The following PDZD4 variants were observed in gnomAD, a reference collection of about 807,000 sequenced individuals.
The protein encoded by PDZD4 is PDZ domain containing 4.
PDZD4 carries 9 observed loss-of-function variants against 38.5 expected under a neutral mutation model. The observed-to-expected ratio is 0.23, with a 90% confidence interval of 0.14 to 0.41. The LOEUF is 0.41. Among genes scored for constraint, PDZD4 ranks in the 10% least tolerant of loss-of-function variants. The pLI is 1.00. For missense variants in PDZD4, 612 were observed against 722.0 expected, an observed-to-expected ratio of 0.85 and a Z score of 1.75; for synonymous variants, 349 against 315.7, an observed-to-expected ratio of 1.11 and a Z score of -1.12.
intron 1 of PDZD4, chrX:153,829,772 G>C (rs976155303): frequency 4.9e-5 from 37 of 755,296 alleles, no homozygotes; most frequent in Non-Finnish European, 5.6e-5. Context: ...GTTCGGGCAG[G>C]GCCAGGCGGG....
chrX:153,809,855 G>A (rs1334367369), intron 1 of PDZD4, among the ~76,000 whole-genome samples: 3 of 113,054 alleles, frequency 2.7e-5, no homozygotes, highest in African/African-American at 9.6e-5. Context: ...GCGGAAGTAG[G>A]ACCTAAGCAG....
At position 153,804,325 on chromosome X, in the gene PDZD4, G is replaced by A. The variant is rs782509412; in HGVS notation, c.1356C>T (p.Ser452=). The change falls in exon 8 of 8, where the codon AGC becomes AGT. Residue 452 remains serine, a synonymous_variant. Coordinates refer to ENST00000393758, the MANE Select transcript of PDZD4 (RefSeq NM_001303512.2). ...CGGACAGCTCGTGCTTCTTGGGCTC[G>A]CTGGCCGCCAGGTCGTAGAGGCTCT... is the stretch of plus-strand genomic sequence containing the variant. ...EEESLYDLAA[S]EPKKHELSDI... 3 of 1,206,963 alleles carry A rather than the reference G, an allele frequency of 2.5e-6. No individual in the cohort carries two copies. Among genetic ancestry groups the A allele is most frequent in the South Asian group, 1.8e-5 (1 of 56,938 alleles).
At chrX:153,828,897 T>C (rs1557083047) in intron 1 of PDZD4, among the ~76,000 whole-genome samples, 1 of 112,006 alleles carries the variant, frequency 8.9e-6, no homozygotes, top group African/African-American at 3.2e-5. Flanking sequence ...GTCGCATTCC[T>C]ATCCCGCTAG....
intron 1 of PDZD4, among the ~76,000 whole-genome samples, chrX:153,824,985 C>T (rs2064465945): frequency 8.9e-6 from 1 of 111,879 alleles, no homozygotes; most frequent in Non-Finnish European, 1.9e-5. Context: ...GCAACAAGAG[C>T]GAAACTCTGT....
chrX:153,803,959 C>A lies in PDZD4; in HGVS notation c.1722G>T (p.Ser574=). 1 of 1,163,567 alleles carries A rather than the reference C, an allele frequency of 8.6e-7. No individual in the cohort carries two copies. Among genetic ancestry groups the A allele is most frequent in the South Asian group, 1.9e-5 (1 of 52,361 alleles). The change falls in exon 8 of 8, where the codon TCG becomes TCT. Residue 574 remains serine (S), a synonymous_variant. Transcript: ENST00000393758. ...CCTGGCCCTGGCCGCGGTGGCGCCG[C>A]GAGAGGTAAGGGCTGCTTTCAGGGC... ...RVGPESSPYL[S]RRHRGQGQEG...
rs1298285420 is a variant in PDZD4, at chrX:153,804,119, G to A, written c.1562C>T (p.Ala521Val). ...TPPGPAVATP[A>V]KAAPPPGSPA... is the part of the protein sequence containing the mutation. ...GCTCCCCGGTGGAGGAGCTGCCTTG[G>A]CGGGGGTGGCAACAGCGGGGCCGGG... The change falls in exon 8 of 8, where the codon GCC becomes GTC. Residue 521 changes from alanine to valine, a missense_variant. Around this residue, in one of 3 missense-constraint regions of PDZD4, gnomAD observed 300 missense variants for 284.6 expected, o/e 1.05. Coordinates refer to ENST00000393758, the MANE Select transcript of PDZD4 (RefSeq NM_001303512.2). 2.6e-6 allele frequency: 3 copies of A among 1,149,896 alleles called. No homozygotes were observed. Among genetic ancestry groups the A allele is most frequent in the Non-Finnish European group, 3.5e-6 (3 of 868,283 alleles). The allele number at this position is 1,149,896 out of a possible 1,213,427, so 94.8% of individuals were successfully genotyped here.
At chrX:153,827,444 A>G (rs1463697447) in intron 1 of PDZD4, among the ~76,000 whole-genome samples, 1 of 112,596 alleles carries the variant, frequency 8.9e-6, no homozygotes, top group Non-Finnish European at 1.9e-5. Context: ...CAGCAGCGCT[A>G]TTCACAACAG....
chrX:153,805,914 G>C (rs1175521011), intron 5 of PDZD4, among the ~76,000 whole-genome samples, 157 bp downstream of exon 5: 1 of 111,987 alleles, frequency 8.9e-6, no homozygotes, highest in Non-Finnish European at 1.9e-5. Context: ...GTGGGCAGGA[G>C]AGAGATGAGA....
At position 153,804,381 on chromosome X, in the gene PDZD4, G is replaced by A. The variant is rs2092199979; in HGVS notation, c.1300C>T (p.Arg434Cys). The A allele has an allele frequency of 2.5e-6, 3 of 1,208,107 alleles. No individual in the cohort carries two copies. The highest frequency in any genetic ancestry group is 3.5e-5 in the South Asian group (2 of 56,947). The stretch of plus-strand genomic sequence containing the variant: ...TCCAGCAGCCAGGCCTTCATGCAGC[G>A]CTCACGCAGCTGCTGCATCTTCTGC... ...RAQKMQQLRE[R>C]CMKAWLLEEE... is the part of the protein sequence containing the mutation. Residue 434 changes from arginine to cysteine, a missense_variant, in exon 8 of 8, where the codon CGC (arginine) becomes TGC (cysteine). Around this residue, in one of 3 missense-constraint regions of PDZD4, gnomAD observed 300 missense variants for 284.6 expected, o/e 1.05. Transcript: ENST00000393758.
intron 1 of PDZD4, among the ~76,000 whole-genome samples, chrX:153,829,020 G>A (rs2064511424): frequency 8.9e-6 from 1 of 112,087 alleles, no homozygotes. Context: ...AGAAGCCGAG[G>A]GCCCCGCGCA....
intron 1 of PDZD4, 50 bp downstream of exon 1, chrX:153,830,189 G>C: frequency 8.8e-7 from 1 of 1,139,551 alleles, no homozygotes; most frequent in Non-Finnish European, 1.2e-6. Context: ...CCACTGGCCC[G>C]CTCCTCCCCG....
At chrX:153,818,847 C>T (rs1330876288) in intron 1 of PDZD4, among the ~76,000 whole-genome samples, 1 of 108,469 alleles carries the variant, frequency 9.2e-6, no homozygotes, top group Non-Finnish European at 1.9e-5. Flanking sequence ...GTGCTGGCAC[C>T]GCTTTCCCCG....
chrX:153,804,024 G>C lies in PDZD4; in HGVS notation c.1657C>G (p.Arg553Gly). The change falls in exon 8 of 8, where the codon CGC (arginine) becomes GGC (glycine). Residue 553 changes from arginine (R) to glycine (G), a missense_variant. Physicochemically the swap from Arg to Gly is moderately radical, Grantham distance 125. Coordinates refer to ENST00000393758, the MANE Select transcript of PDZD4 (RefSeq NM_001303512.2). The stretch of plus-strand genomic sequence containing the variant: ...GTCAACCCCGTCTTGGGGTTGCGGC[G>C]GCCGCGCTCCTCCGCGTGCTGCCTC... ...GRRQHAEERGRRNPKTGLTLE... is the reference protein window; with the variant it reads ...GRRQHAEERGGRNPKTGLTLE... 7 of 1,157,973 alleles carry C rather than the reference G, an allele frequency of 6.0e-6. No homozygotes were observed. The highest frequency in any genetic ancestry group is 6.9e-6 in the Non-Finnish European group (6 of 870,533).
chrX:153,825,037 G>A (rs1382530878), intron 1 of PDZD4, among the ~76,000 whole-genome samples: 1 of 112,533 alleles, frequency 8.9e-6, no homozygotes, highest in African/African-American at 3.2e-5. Context: ...GGAGTCTGGG[G>A]GAGGGGCAAG....
chrX:153,814,870 G>A (rs145808863), intron 1 of PDZD4, among the ~76,000 whole-genome samples: 3,176 of 111,805 alleles, frequency 0.028, 125 homozygotes, highest in African/African-American at 0.099. Flanking sequence ...AGTGAGCTGT[G>A]AGCCAAGCAA....
intron 1 of PDZD4, among the ~76,000 whole-genome samples, chrX:153,820,475 A>G (rs2064411929): frequency 1.8e-5 from 2 of 109,592 alleles, no homozygotes; most frequent in South Asian, 7.9e-4. Flanking sequence ...AGCTGAGATC[A>G]CACCATCACA....
At chrX:153,818,288 C>T (rs1410602561) in intron 1 of PDZD4, among the ~76,000 whole-genome samples, 4 of 109,049 alleles carry the variant, frequency 3.7e-5, no homozygotes, top group Admixed American at 9.8e-5. Context: ...CGTGGTGTCT[C>T]GCTCCTGTAG....
chrX:153,817,442 A>C (rs1557080235), intron 1 of PDZD4, among the ~76,000 whole-genome samples: 1 of 111,675 alleles, frequency 9.0e-6, no homozygotes. Flanking sequence ...CCGACATAAA[A>C]AGAATGAACG....
chrX:153,816,336 T>G (rs1603265089), intron 1 of PDZD4, among the ~76,000 whole-genome samples: 2 of 103,246 alleles, frequency 1.9e-5, no homozygotes, highest in African/African-American at 7.2e-5. Flanking sequence ...TGTTGGGGGG[T>G]GAGCAAGGCA....
Sources: allele counts gnomAD v4.1 joint callset (sites outside exome capture counted in the v4.1 genomes callset), GRCh38; gene constraint gnomAD v4.1.1; regional missense constraint gnomAD v4.1.1; transcripts MANE v1.5; gene names NCBI Gene and HGNC (gene_info 2026-07-23, HGNC 2026-07-21).